Variants in EYS observed in about 807,000 individuals in gnomAD.
The protein encoded by EYS is EGF-like photoreceptor maintenance factor.
A neutral mutation model predicts 282.1 loss-of-function variants in EYS; 250 were observed. The ratio of observed to expected loss-of-function variants is 0.89; its 90% CI spans 0.80 to 0.98. The LOEUF is 0.98. Among genes scored for constraint, EYS ranks in the 50% least tolerant of loss-of-function variants. The probability of loss-of-function intolerance (pLI) is 0.00; values close to 1 mark genes in which losing one functional copy is unlikely to be tolerated. For synonymous variants in EYS, 1,355 were observed against 1,282.9 expected (o/e 1.06, Z -1.20); for missense variants, 4,016 against 3,709.0 (o/e 1.08, Z -2.15).
intron 36 of EYS, among the ~76,000 whole-genome samples, chr6:63,862,556 T>A (rs985498663): frequency 6.6e-6 from 1 of 152,228 alleles, no homozygotes; most frequent in Non-Finnish European, 1.5e-5. Flanking sequence ...TTTTTGTGTA[T>A]GTGTGAATAC....
At chr6:63,824,016 A>G (rs1323413290) in intron 36 of EYS, among the ~76,000 whole-genome samples, 1 of 152,184 alleles carries the variant, frequency 6.6e-6, no homozygotes, top group Non-Finnish European at 1.5e-5. Flanking sequence ...ACCTACTTCC[A>G]CCAAGCTTCC....
chr6:64,172,976 T>C (rs1482986917), intron 31 of EYS, among the ~76,000 whole-genome samples: 8 of 152,092 alleles, frequency 5.3e-5, no homozygotes, highest in Admixed American at 3.3e-4. Flanking sequence ...GTCAAAAAGT[T>C]TGGGATCGCT....
intron 33 of EYS, among the ~76,000 whole-genome samples, chr6:64,035,492 C>G (rs566051259): frequency 1.3e-5 from 2 of 152,286 alleles, no homozygotes; most frequent in South Asian, 4.1e-4. Context: ...AAATCAGAGC[C>G]AGGTCTTGCA....
chr6:65,234,082 C>T (rs1562040037), intron 12 of EYS, among the ~76,000 whole-genome samples: 2 of 152,074 alleles, frequency 1.3e-5, no homozygotes, highest in South Asian at 2.1e-4. Context: ...AGTCACTGCC[C>T]ACCAAGATCT....
intron 30 of EYS, among the ~76,000 whole-genome samples, chr6:64,248,318 T>C (rs1386796256): frequency 2.6e-5 from 4 of 152,058 alleles, no homozygotes; most frequent in Admixed American, 2.6e-4. Context: ...AGCAGGAAAT[T>C]AGTAATTCAT....
rs139308285 is a variant in EYS at position 65,276,770 on chromosome 6, G to T, written c.2023+19093C>A. Among the ~76,000 whole-genome samples, 8 of 151,030 alleles carry T rather than the reference G, an allele frequency of 5.3e-5. No individual in the cohort carries two copies. The East Asian group carries it at 1.6e-3, about 29-fold the overall frequency. On this transcript the variant is annotated intron_variant, in intron 12 of 42. Transcript: ENST00000503581. ...ATGAAGCCAAAAGAAATACAGATTG[G>T]GTAGTAGAAGAAGCAGGGATTTATC... is the stretch of plus-strand genomic sequence containing the variant.
At chr6:64,612,637 A>C (rs1222669950) in intron 24 of EYS, among the ~76,000 whole-genome samples, 2 of 152,076 alleles carry the variant, frequency 1.3e-5, no homozygotes, top group African/African-American at 4.8e-5. Context: ...GAAAAACCTG[A>C]GAGTTCAGAC....
intron 22 of EYS, among the ~76,000 whole-genome samples, chr6:64,776,857 T>G (rs1265915291): frequency 2.0e-5 from 3 of 151,894 alleles, no homozygotes; most frequent in Non-Finnish European, 4.4e-5. Context: ...CATTGGGATC[T>G]TTGCTAGATT....
intron 35 of EYS, among the ~76,000 whole-genome samples, chr6:63,965,853 G>A (rs545752287): frequency 2.0e-5 from 3 of 152,240 alleles, no homozygotes; most frequent in African/African-American, 4.8e-5. Flanking sequence ...TAAATATCAC[G>A]AGTGCCAGTG....
At chr6:64,739,995 A>T (rs543432196) in intron 22 of EYS, among the ~76,000 whole-genome samples, 16 of 152,292 alleles carry the variant, frequency 1.1e-4, no homozygotes, top group African/African-American at 3.8e-4. Flanking sequence ...CTTAGAACTC[A>T]TTAGCAAAAA....
intron 29 of EYS, among the ~76,000 whole-genome samples, chr6:64,350,085 G>A (rs1408666779): frequency 6.6e-6 from 1 of 151,356 alleles, no homozygotes; most frequent in Non-Finnish European, 1.5e-5. Context: ...TTCTGTATTA[G>A]GTGTGTCAGA....
chr6:65,393,382 C>T (rs1234900454), intron 7 of EYS, among the ~76,000 whole-genome samples: 1 of 152,028 alleles, frequency 6.6e-6, no homozygotes, highest in Non-Finnish European at 1.5e-5. Flanking sequence ...AATATAGCAG[C>T]CCAGCTTTTG....
intron 30 of EYS, among the ~76,000 whole-genome samples, chr6:64,249,313 A>G (rs1229140284): frequency 6.6e-6 from 1 of 152,150 alleles, no homozygotes. Context: ...CTGACTCATA[A>G]GTAAGAGCTA....
chr6:65,540,334 A>T (rs1169405275), intron 2 of EYS, among the ~76,000 whole-genome samples: 1 of 152,148 alleles, frequency 6.6e-6, no homozygotes, highest in African/African-American at 2.4e-5. Flanking sequence ...GTGAGGAGAA[A>T]GGGGAGGCAT....
intron 26 of EYS, among the ~76,000 whole-genome samples, chr6:64,565,203 A>G (rs1765525536): frequency 6.6e-6 from 1 of 152,078 alleles, no homozygotes; most frequent in East Asian, 1.9e-4. Flanking sequence ...ATGCAATCTC[A>G]TCTATTTTTG....
chr6:64,159,559 T>TAAAAA lies in EYS; in HGVS notation c.6424+71028_6424+71032dup, dbSNP rs35139594. On this transcript the variant is annotated intron_variant, in intron 31 of 42. Coordinates refer to ENST00000503581, the MANE Select transcript of EYS (RefSeq NM_001142800.2). ...TGGGCGACAGAGCGAGACTCTGTCT[T>TAAAAA]AAAAAAAAAAAAAAAAAAAAAAAAA... Among the ~76,000 whole-genome samples the TAAAAA allele has an allele frequency of 2.0e-4, 12 of 59,942 alleles. 1 individual carries two copies. Among genetic ancestry groups the TAAAAA allele is most frequent in the African/African-American group, 6.7e-4 (11 of 16,378 alleles). 39.3% of individuals were successfully genotyped at this position (59,942 alleles called of 152,430 possible). A position where few individuals can be genotyped will look rare whatever the true frequency, so the allele number is the denominator to read the frequency against.
chr6:65,532,455 G>C (rs948049632), intron 2 of EYS, among the ~76,000 whole-genome samples: 2 of 152,046 alleles, frequency 1.3e-5, no homozygotes, highest in African/African-American at 2.4e-5. Flanking sequence ...TTCTTGTTCT[G>C]ACTTAGCCTT....
At chr6:64,162,006 G>A (rs1775121238) in intron 31 of EYS, among the ~76,000 whole-genome samples, 1 of 152,104 alleles carries the variant, frequency 6.6e-6, no homozygotes. Flanking sequence ...ATGTTGATAG[G>A]ATAGGGATAG....
intron 2 of EYS, among the ~76,000 whole-genome samples, chr6:65,576,788 A>G (rs1764685755): frequency 1.3e-5 from 2 of 151,846 alleles, no homozygotes; most frequent in African/African-American, 4.8e-5. Flanking sequence ...ACAACAAACT[A>G]TTTTTAAAAA....
Sources: allele counts gnomAD v4.1 joint callset (sites outside exome capture counted in the v4.1 genomes callset), GRCh38; gene constraint gnomAD v4.1.1; transcripts MANE v1.5; gene names NCBI Gene and HGNC (gene_info 2026-07-23, HGNC 2026-07-21).